MCF2L: variants seen among roughly 807,000 people sequenced by gnomAD.
The protein encoded by MCF2L is MCF.2 cell line derived transforming sequence like.
MCF2L carries 97 observed loss-of-function variants against 153.4 expected under a neutral mutation model. The ratio of observed to expected loss-of-function variants is 0.63; its 90% CI spans 0.54 to 0.75. MCF2L has a LOEUF of 0.75. Among genes scored for constraint, MCF2L ranks in the 30% least tolerant of loss-of-function variants. The pLI is 0.00. For synonymous variants in MCF2L, 659 were observed against 632.2 expected (o/e 1.04, Z -0.64); for missense variants, 1,347 against 1,495.2 (o/e 0.90, Z 1.64).
At chr13:113,081,314 G>A in intron 16 of MCF2L, 35 bp downstream of exon 16, 2 of 1,554,480 alleles carry the variant, frequency 1.3e-6, no homozygotes, top group Non-Finnish European at 1.7e-6. Flanking sequence ...GACTGCCACG[G>A]GGACTCCCCT....
chr13:112,961,364 C>T (rs184263760), intron 2 of MCF2L, among the ~76,000 whole-genome samples: 39 of 152,370 alleles, frequency 2.6e-4, no homozygotes, highest in Non-Finnish European at 4.6e-4. Context: ...TGCCTTCCCA[C>T]GAGCAGTCTT....
chr13:113,075,276 G>A (rs1042756510), intron 11 of MCF2L, 87 bp downstream of exon 11: 16 of 1,267,676 alleles, frequency 1.3e-5, no homozygotes, highest in East Asian at 7.6e-5. Flanking sequence ...GACCCTTGTC[G>A]TGGGGAGGGC....
chr13:113,093,137 G>C lies in MCF2L; in HGVS notation c.2954-1377G>C, dbSNP rs188983332. On this transcript the variant is annotated intron_variant, in intron 26 of 29. Transcript: ENST00000535094. The stretch of plus-strand genomic sequence containing the variant: ...GACGGGGAGGGCACGCTGGCAGCCA[G>C]GCCCCACAGGCCAGTCCCTGCTGCT... 7.9e-5 allele frequency among the ~76,000 whole-genome samples: 12 copies of C among 152,370 alleles called. No individual in the cohort carries two copies. In the East Asian group the frequency reaches 2.3e-3, roughly 29 times the overall value.
chr13:112,961,498 CA>C (rs1433208895), intron 2 of MCF2L, among the ~76,000 whole-genome samples: 1 of 152,354 alleles, frequency 6.6e-6, no homozygotes, highest in Middle Eastern at 3.4e-3. Context: ...GGTTCCTCCT[CA>C]GGGAACATGG....
intron 2 of MCF2L, among the ~76,000 whole-genome samples, chr13:112,927,878 G>C (rs2081423948): frequency 6.6e-6 from 1 of 152,192 alleles, no homozygotes; most frequent in Non-Finnish European, 1.5e-5. Flanking sequence ...AAGAGAATCA[G>C]CAAGAAAACC....
intron 3 of MCF2L, among the ~76,000 whole-genome samples, chr13:113,034,687 A>G (rs1402017145): frequency 6.8e-6 from 1 of 147,964 alleles, no homozygotes; most frequent in Non-Finnish European, 1.5e-5. Context: ...TCTCACCCTC[A>G]CCCTGGTCTC....
upstream of MCF2L, among the ~76,000 whole-genome samples, chr13:112,964,638 G>A (rs2081871433): frequency 1.3e-5 from 2 of 152,198 alleles, no homozygotes; most frequent in Admixed American, 1.3e-4. Context: ...CAGTGTTTAT[G>A]ACAGTCAAGA....
At position 112,969,521 on chromosome 13, in the gene MCF2L, G is replaced by A; in HGVS notation, c.79+63G>A. 1.3e-6 allele frequency: 2 copies of A among 1,544,392 alleles called. No individual in the cohort carries two copies. Among genetic ancestry groups the A allele is most frequent in the South Asian group, 1.2e-5 (1 of 83,852 alleles). On this transcript the variant is annotated intron_variant, in intron 1 of 29. Transcript: ENST00000535094. The surrounding 1 kb of genome is among the most constrained non-coding windows in gnomAD (Gnocchi z 4.8). Reference sequence around the variant, plus strand: ...AGCTTGACATCATGGGCTGAAATGTGGGGAAATGCGTCTGATTTTTGTAAG... The same window carrying A: ...AGCTTGACATCATGGGCTGAAATGTAGGGAAATGCGTCTGATTTTTGTAAG...
chr13:112,916,975 G>C (rs534366738), intron 2 of MCF2L: 20 of 437,444 alleles, frequency 4.6e-5, no homozygotes, highest in African/African-American at 3.8e-4. Flanking sequence ...ACACTGGTCT[G>C]TGTCCCCATC....
intron 2 of MCF2L, among the ~76,000 whole-genome samples, chr13:112,944,266 G>T (rs1265297207): frequency 6.6e-6 from 1 of 152,040 alleles, no homozygotes; most frequent in African/African-American, 2.4e-5. Context: ...GGAGGGTCCC[G>T]GGTGAAGAGC....
intron 2 of MCF2L, among the ~76,000 whole-genome samples, chr13:112,964,169 C>T (rs549037680): frequency 1.3e-5 from 2 of 152,378 alleles, no homozygotes; most frequent in East Asian, 3.9e-4. Context: ...CCCCTGCCCA[C>T]AGCAACAACT....
intron 4 of MCF2L, among the ~76,000 whole-genome samples, chr13:113,056,906 G>GTTTA (rs2029999222): frequency 6.9e-6 from 1 of 144,104 alleles, no homozygotes. Context: ...GGTGCTGAGT[G>GTTTA]GGTGCTGAGT....
intron 2 of MCF2L, among the ~76,000 whole-genome samples, chr13:113,020,653 C>T (rs1361933031): frequency 1.3e-5 from 2 of 152,170 alleles, no homozygotes; most frequent in Non-Finnish European, 2.9e-5. Flanking sequence ...CACGGGAGCC[C>T]CACTCCCACG....
intron 2 of MCF2L, among the ~76,000 whole-genome samples, chr13:112,964,146 C>T (rs569719114): frequency 1.1e-4 from 16 of 152,318 alleles, no homozygotes; most frequent in Admixed American, 9.1e-4. Context: ...TGTGCATAGC[C>T]CACCTCGGAT....
chr13:112,961,738 G>A (rs1566662847), intron 2 of MCF2L, among the ~76,000 whole-genome samples: 1 of 152,222 alleles, frequency 6.6e-6, no homozygotes, highest in Non-Finnish European at 1.5e-5. Flanking sequence ...GAGCCCCTCT[G>A]TCCTCCTAGT....
chr13:112,948,928 T>A (rs562714208), intron 2 of MCF2L, among the ~76,000 whole-genome samples: 5 of 152,284 alleles, frequency 3.3e-5, no homozygotes, highest in African/African-American at 1.2e-4. Flanking sequence ...TAGCCAGGCG[T>A]GGTGGCATGC....
At chr13:112,949,027 A>C (rs1392031681) in intron 2 of MCF2L, among the ~76,000 whole-genome samples, 1 of 152,194 alleles carries the variant, frequency 6.6e-6, no homozygotes, top group Non-Finnish European at 1.5e-5. Flanking sequence ...GTGCTACTGC[A>C]CTCCCACCTG....
At chr13:112,937,016 A>G (rs1183651849) in intron 2 of MCF2L, among the ~76,000 whole-genome samples, 1 of 152,224 alleles carries the variant, frequency 6.6e-6, no homozygotes, top group Non-Finnish European at 1.5e-5. Context: ...CAGTCACTGT[A>G]AAGTACAATA....
At chr13:113,051,008 A>G (rs754526510) in intron 4 of MCF2L, among the ~76,000 whole-genome samples, 1 of 152,058 alleles carries the variant, frequency 6.6e-6, no homozygotes, top group Non-Finnish European at 1.5e-5. Context: ...TGCGCGCTGC[A>G]TAACTGCGGC....
Sources: allele counts gnomAD v4.1 joint callset (sites outside exome capture counted in the v4.1 genomes callset), GRCh38; gene constraint gnomAD v4.1.1; non-coding constraint Gnocchi (gnomAD v3.1); transcripts MANE v1.5; gene names NCBI Gene and HGNC (gene_info 2026-07-23, HGNC 2026-07-21).